The following SPEF2 variants were observed in gnomAD, a reference collection of about 807,000 sequenced individuals.
SPEF2 encodes the protein sperm flagellar and cilia associated 2.
Under a neutral mutation model 224.6 loss-of-function variants are expected in SPEF2, and 187 were observed. The ratio of observed to expected loss-of-function variants is 0.83; its 90% CI spans 0.74 to 0.94. The LOEUF (loss-of-function observed/expected upper bound fraction) is 0.94, where lower values mean the gene tolerates loss of function less well. SPEF2 is among the 40% of genes least tolerant of loss of function. The pLI is 0.00. For synonymous variants in SPEF2, 715 were observed against 707.3 expected (o/e 1.01, Z -0.17); for missense variants, 2,170 against 2,135.6 (o/e 1.02, Z -0.32).
Position 35,670,062 on chromosome 5 carries a change from G to A in SPEF2, c.1359G>A (p.Leu453=), listed in dbSNP as rs749029131. 6.3e-7 allele frequency: 1 copy of A among 1,596,428 alleles called. No individual in the cohort carries two copies. Among genetic ancestry groups the A allele is most frequent in the Admixed American group, 1.8e-5 (1 of 56,580 alleles). ...VADYRMLTNN[L]IPYKLMHDWK... ...CTACCTTTTTTTTGTGCGATAGTCT[G>A]ATTCCGTATAAGTTGATGCATGATT... Residue 453 remains leucine (L), a synonymous_variant, in exon 10 of 37, where the codon CTG becomes CTA. Coordinates refer to ENST00000356031, the MANE Select transcript of SPEF2 (RefSeq NM_024867.4).
intron 26 of SPEF2, among the ~76,000 whole-genome samples, chr5:35,769,587 C>T (rs1752513419): frequency 6.6e-6 from 1 of 152,102 alleles, no homozygotes; most frequent in East Asian, 1.9e-4. Flanking sequence ...CCCCTTTGAG[C>T]ACAGCACAGA....
At chr5:35,767,202 A>G (rs752832352) in intron 26 of SPEF2, among the ~76,000 whole-genome samples, 1 of 152,020 alleles carries the variant, frequency 6.6e-6, no homozygotes, top group Non-Finnish European at 1.5e-5. Context: ...TATATTTGAG[A>G]CAATGAAATT....
intron 3 of SPEF2, among the ~76,000 whole-genome samples, chr5:35,643,149 A>G (rs557313563): frequency 6.6e-6 from 1 of 152,312 alleles, no homozygotes; most frequent in East Asian, 1.9e-4. Flanking sequence ...AAGTGCTATA[A>G]GAGCTGTGTA....
intron 23 of SPEF2, among the ~76,000 whole-genome samples, chr5:35,748,352 T>G (rs1225483104): frequency 6.6e-6 from 1 of 151,406 alleles, no homozygotes; most frequent in African/African-American, 2.4e-5. Context: ...TAAATGAAAT[T>G]GGAACAAAAA....
Position 35,763,720 on chromosome 5 carries a change from T to C in SPEF2, c.3801+18T>C. On this transcript the variant is annotated intron_variant, in intron 26 of 36. Transcript: ENST00000356031. ...CTCACATGGTAAGCAGTGCTCGTTA[T>C]ATTTTCTGTTAGTAATACACATTCA... 6.3e-7 allele frequency: 1 copy of C among 1,586,048 alleles called. No homozygotes were observed. Among genetic ancestry groups the C allele is most frequent in the African/African-American group, 1.4e-5 (1 of 73,652 alleles).
intron 23 of SPEF2, among the ~76,000 whole-genome samples, chr5:35,745,926 C>T (rs1222782211): frequency 6.6e-6 from 1 of 152,184 alleles, no homozygotes; most frequent in Non-Finnish European, 1.5e-5. Flanking sequence ...CATTGCACTC[C>T]CTCACCACCT....
Position 35,772,270 on chromosome 5 carries a change from C to T in SPEF2, c.3949+514C>T, listed in dbSNP as rs145859769. 7.0e-4 allele frequency among the ~76,000 whole-genome samples: 107 copies of T among 152,196 alleles called. 1 individual carries two copies. Among genetic ancestry groups the T allele is most frequent in the African/African-American group, 2.5e-3 (103 of 41,534 alleles). On this transcript the variant is annotated intron_variant, in intron 27 of 36. Transcript: ENST00000356031. ...ATGAATAGCTTTGGCATCAACATTACCCTCCCCCTCTGAAGTGGAATCCTG... is the reference window on the plus strand; with the variant it reads ...ATGAATAGCTTTGGCATCAACATTATCCTCCCCCTCTGAAGTGGAATCCTG...
At position 35,793,201 on chromosome 5, in the gene SPEF2, G is replaced by C; in HGVS notation, c.4597G>C (p.Val1533Leu). Residue 1533 changes from valine to leucine, a missense_variant, in exon 32 of 37, where the codon GTG (valine) becomes CTG (leucine). Val to Leu is a conservative substitution (Grantham distance 32). Transcript: ENST00000356031. ...TSLLTVNSEF[V>L]DWRKFLLVTS... Reference sequence around the variant, plus strand: ...TTTATTAACAGTCAACTCCGAGTTCGTGGACTGGCGGAAGTTCCTGTTAGT... The same window carrying C: ...TTTATTAACAGTCAACTCCGAGTTCCTGGACTGGCGGAAGTTCCTGTTAGT... 1.9e-6 allele frequency: 3 copies of C among 1,614,078 alleles called. No individual in the cohort carries two copies. Among genetic ancestry groups the C allele is most frequent in the Non-Finnish European group, 2.5e-6 (3 of 1,179,994 alleles).
rs1464044627 is a variant in SPEF2, at chr5:35,779,367, G to T, written c.4447+21G>T. Reference sequence around the variant, plus strand: ...TAAAGGTAGGAAAAATAATTATCATGAAAAGAGCACAAAAAAAGGTTAAGA... The same window carrying T: ...TAAAGGTAGGAAAAATAATTATCATTAAAAGAGCACAAAAAAAGGTTAAGA... On this transcript the variant is annotated intron_variant, in intron 30 of 36. Transcript: ENST00000356031. The T allele has an allele frequency of 3.2e-6, 5 of 1,558,218 alleles. No homozygotes were observed. The Admixed American group carries it at 7.5e-5, about 23-fold the overall frequency.
intron 10 of SPEF2, among the ~76,000 whole-genome samples, chr5:35,686,402 A>G (rs1297920320): frequency 1.3e-5 from 2 of 152,096 alleles, no homozygotes; most frequent in East Asian, 3.8e-4. Flanking sequence ...TTATTACATA[A>G]TCATGTTACT....
At chr5:35,693,125 A>C (rs13179014) in intron 12 of SPEF2, among the ~76,000 whole-genome samples, 40,702 of 151,806 alleles carry the variant, frequency 0.27, 5,973 homozygotes, top group Middle Eastern at 0.36. Context: ...GTGGCATATG[A>C]TTGTTTTAGG....
chr5:35,742,473 T>G (rs1213144859), intron 23 of SPEF2, among the ~76,000 whole-genome samples: 1 of 152,016 alleles, frequency 6.6e-6, no homozygotes, highest in Non-Finnish European at 1.5e-5. Context: ...ATATCAGATT[T>G]GTATATTTTA....
At chr5:35,798,961 T>TC (rs1300800211) in intron 33 of SPEF2, among the ~76,000 whole-genome samples, 1 of 152,236 alleles carries the variant, frequency 6.6e-6, no homozygotes, top group Non-Finnish European at 1.5e-5. Flanking sequence ...GAAATTATTT[T>TC]CCCACCTGTT....
intron 20 of SPEF2, among the ~76,000 whole-genome samples, chr5:35,724,006 A>G (rs1744211399): frequency 6.6e-6 from 1 of 152,076 alleles, no homozygotes; most frequent in Non-Finnish European, 1.5e-5. Context: ...ATAACAAACT[A>G]CCTCTTATAA....
At chr5:35,619,820 G>T (rs893260916) in intron 1 of SPEF2, among the ~76,000 whole-genome samples, 3 of 152,116 alleles carry the variant, frequency 2.0e-5, no homozygotes. Flanking sequence ...AACAGTAGAT[G>T]CCATTATAAT....
At chr5:35,657,141 C>T (rs889083570) in intron 7 of SPEF2, among the ~76,000 whole-genome samples, 3 of 152,206 alleles carry the variant, frequency 2.0e-5, no homozygotes, top group Non-Finnish European at 4.4e-5. Flanking sequence ...CCCACATCAG[C>T]CCTGAATGTT....
In SPEF2 at chr5:35,771,723, C is replaced by T. The variant is rs1302988334; in HGVS notation, c.3916C>T (p.Pro1306Ser). ...GANKKVKKEP[P>S]KKKQEDKKPK... is the part of the protein sequence containing the mutation. ...AAATAAAAAAGTCAAAAAGGAGCCA[C>T]CCAAGAAAAAACAGGAAGACAAAAA... is the stretch of plus-strand genomic sequence containing the variant. Residue 1306 changes from proline to serine, a missense_variant, in exon 27 of 37, where the codon CCC becomes TCC. Physicochemically the swap from Pro to Ser is moderately conservative, Grantham distance 74 (BLOSUM62 -1). Coordinates refer to ENST00000356031, the MANE Select transcript of SPEF2 (RefSeq NM_024867.4). 6.3e-7 allele frequency: 1 copy of T among 1,597,160 alleles called. No individual in the cohort carries two copies. The highest frequency in any genetic ancestry group is 8.5e-7 in the Non-Finnish European group (1 of 1,175,914).
chr5:35,670,014 T>G (rs769188004), intron 9 of SPEF2, 45 bp from the exon 10 acceptor site: 56 of 1,438,824 alleles, frequency 3.9e-5, no homozygotes, highest in Non-Finnish European at 4.7e-5. Context: ...AAAATCTATA[T>G]TTGACTAACC....
intron 20 of SPEF2, among the ~76,000 whole-genome samples, chr5:35,715,869 T>C (rs567226160): frequency 7.0e-6 from 1 of 143,660 alleles, no homozygotes; most frequent in Admixed American, 7.4e-5. Context: ...GTATAATTTC[T>C]AAAGTAATTG....
Sources: gnomAD v4.1 joint callset for allele counts (sites outside exome capture counted in the v4.1 genomes callset) on GRCh38, gnomAD v4.1.1 for gene constraint, MANE v1.5 for transcripts, NCBI Gene and HGNC (gene_info 2026-07-23, HGNC 2026-07-21) for gene names.